MSL2: variants seen among roughly 807,000 people sequenced by gnomAD.
The protein encoded by MSL2 is E3 ubiquitin-protein ligase MSL2.
MSL2 carries 2 observed loss-of-function variants against 35.8 expected under a neutral mutation model. The ratio of observed to expected loss-of-function variants is 0.06; its 90% CI spans 0.02 to 0.18. The LOEUF is 0.18. Ranked by LOEUF, MSL2 falls within the 10% of genes least tolerant of loss-of-function variation. The probability of loss-of-function intolerance (pLI) is 1.00; values close to 1 mark genes in which losing one functional copy is unlikely to be tolerated. For missense variants in MSL2, 523 were observed against 706.7 expected (o/e 0.74, Z 2.95); for synonymous variants, 296 against 255.7 (o/e 1.16, Z -1.50).
intron 1 of MSL2, among the ~76,000 whole-genome samples, chr3:136,187,418 T>C (rs939249555): frequency 1.3e-5 from 2 of 152,040 alleles, no homozygotes; most frequent in Non-Finnish European, 2.9e-5. Flanking sequence ...ATCCTAGCAC[T>C]TTGGGAGGTC....
chr3:136,167,865 G>A (rs1483456598), intron 1 of MSL2, among the ~76,000 whole-genome samples: 1 of 152,060 alleles, frequency 6.6e-6, no homozygotes, highest in Non-Finnish European at 1.5e-5. Context: ...TAATGAAAGA[G>A]AAAAATAACA....
chr3:136,188,316 C>G (rs890774502), intron 1 of MSL2, among the ~76,000 whole-genome samples: 5 of 151,970 alleles, frequency 3.3e-5, no homozygotes, highest in African/African-American at 9.7e-5. Context: ...TGCCTATAGT[C>G]CCAGTTACTC....
At chr3:136,156,706 T>C (rs1939537078) in intron 1 of MSL2, among the ~76,000 whole-genome samples, 1 of 152,100 alleles carries the variant, frequency 6.6e-6, no homozygotes, top group South Asian at 2.1e-4. Flanking sequence ...ATACAAAAAA[T>C]TAGCCGGGCG....
chr3:136,178,981 T>C (rs1345800310), intron 1 of MSL2, among the ~76,000 whole-genome samples: 2 of 104,748 alleles, frequency 1.9e-5, no homozygotes, highest in Admixed American at 8.5e-5. Context: ...TTGGTTTTCT[T>C]TTTTTTTTTT....
intron 1 of MSL2, among the ~76,000 whole-genome samples, chr3:136,186,169 G>A (rs1167573536): frequency 6.6e-6 from 1 of 152,100 alleles, no homozygotes; most frequent in African/African-American, 2.4e-5. Flanking sequence ...TATGAACTAA[G>A]TGACCTTTTG....
intron 1 of MSL2, among the ~76,000 whole-genome samples, chr3:136,162,267 G>A (rs1939728279): frequency 6.8e-6 from 1 of 146,284 alleles, no homozygotes; most frequent in South Asian, 2.2e-4. Flanking sequence ...TAAACCATAA[G>A]GTTTTTAAAA....
intron 1 of MSL2, among the ~76,000 whole-genome samples, chr3:136,187,542 C>T (rs892428042): frequency 2.0e-5 from 3 of 151,856 alleles, no homozygotes; most frequent in African/African-American, 7.3e-5. Flanking sequence ...GTGGCGGATG[C>T]CTGTAGAGTC....
chr3:136,181,900 CAG>C (rs942150622), intron 1 of MSL2, among the ~76,000 whole-genome samples: 2 of 149,782 alleles, frequency 1.3e-5, no homozygotes, highest in African/African-American at 4.9e-5. Context: ...GCCTCGGCAA[CAG>C]AGTGAGACTC....
intron 1 of MSL2, among the ~76,000 whole-genome samples, chr3:136,171,058 G>A (rs1940012491): frequency 6.6e-6 from 1 of 152,120 alleles, no homozygotes; most frequent in South Asian, 2.1e-4. Flanking sequence ...CATTGTAAAA[G>A]TAATCATTTT....
At chr3:136,157,991 G>T (rs1333095151) in intron 1 of MSL2, among the ~76,000 whole-genome samples, 1 of 152,118 alleles carries the variant, frequency 6.6e-6, no homozygotes, top group African/African-American at 2.4e-5. Context: ...TAACTACTAT[G>T]AAAGAAAACA....
At position 136,195,821 on chromosome 3, in the gene MSL2, G is replaced by A. The variant is rs550398407; in HGVS notation, c.-708C>T. ...CGAGGCGGGCGGGAGTCCTCAACCC[G>A]GAGGGGAAGGCCGGGGAGGAAGTGC... On this transcript the variant is annotated 5_prime_UTR_variant, in exon 1 of 2. Transcript: ENST00000309993. The A allele has an allele frequency of 2.7e-4, 266 of 984,946 alleles. No individual in the cohort carries two copies. Among genetic ancestry groups the A allele is most frequent in the Non-Finnish European group, 2.5e-4 (211 of 829,788 alleles). The allele number at this position is 984,946 out of a possible 1,614,324, so 61.0% of individuals were successfully genotyped here. A position where few individuals can be genotyped will look rare whatever the true frequency, so the allele number is the denominator to read the frequency against.
At chr3:136,181,342 C>T (rs1046118889) in intron 1 of MSL2, among the ~76,000 whole-genome samples, 2 of 151,972 alleles carry the variant, frequency 1.3e-5, no homozygotes, top group African/African-American at 4.8e-5. Flanking sequence ...AAGATTAAAA[C>T]AATATGAAAC....
intron 1 of MSL2, among the ~76,000 whole-genome samples, chr3:136,184,361 G>A (rs576322214): frequency 2.5e-4 from 38 of 152,024 alleles, no homozygotes; most frequent in African/African-American, 8.4e-4. Context: ...AGCACTTTGG[G>A]AGGCCAAGGC....
chr3:136,160,454 G>A (rs1377815823), intron 1 of MSL2, among the ~76,000 whole-genome samples: 8 of 150,496 alleles, frequency 5.3e-5, no homozygotes, highest in African/African-American at 7.3e-5. Flanking sequence ...CAAGCCAGGC[G>A]TGGGGGCTCA....
At chr3:136,160,507 C>T (rs1012430843) in intron 1 of MSL2, among the ~76,000 whole-genome samples, 1 of 151,034 alleles carries the variant, frequency 6.6e-6, no homozygotes, top group Non-Finnish European at 1.5e-5. Flanking sequence ...TTCAGGAGTT[C>T]GAGACCAGCC....
Position 136,149,155 on chromosome 3 carries a change from G to A in MSL2, c.*1992C>T, listed in dbSNP as rs1459854233. On this transcript the variant is annotated 3_prime_UTR_variant, in exon 2 of 2. Transcript: ENST00000309993. ...AAAAACCCACAAGATTATCAAACTT[G>A]GGAAGCAATAAAGTACTCTATGAAT... The A allele has an allele frequency of 6.7e-6, 1 of 149,916 alleles. No homozygotes were observed. The highest frequency in any genetic ancestry group is 1.9e-4 in the East Asian group (1 of 5,144). The allele number at this position is 149,916 out of a possible 1,614,324, so 9.3% of individuals were successfully genotyped here. A position where few individuals can be genotyped will look rare whatever the true frequency, so the allele number is the denominator to read the frequency against.
rs1939303362 is a variant in MSL2, at chr3:136,149,988, AT to A, written c.*1158del. On this transcript the variant is annotated 3_prime_UTR_variant, in exon 2 of 2. Coordinates refer to ENST00000309993, the MANE Select transcript of MSL2 (RefSeq NM_018133.4). Reference sequence around the variant, plus strand: ...ACTGACTAGATTTCCCTTCAACAGAATGTTTGTGACTCACTTGTCTTCCCCA... The same window carrying A: ...ACTGACTAGATTTCCCTTCAACAGAAGTTTGTGACTCACTTGTCTTCCCCA... 6.6e-6 allele frequency: 1 copy of A among 152,606 alleles called. No individual in the cohort carries two copies. The highest frequency in any genetic ancestry group is 2.1e-4 in the South Asian group (1 of 4,836). The allele number at this position is 152,606 out of a possible 1,614,324, so 9.5% of individuals were successfully genotyped here.
chr3:136,178,988 T>TTTTC (rs1940263428), intron 1 of MSL2, among the ~76,000 whole-genome samples: 1 of 146,006 alleles, frequency 6.8e-6, no homozygotes, highest in African/African-American at 2.6e-5. Context: ...TCTTTTTTTT[T>TTTTC]TTTTTTTTTT....
Position 136,194,992 on chromosome 3 carries a change from G to A in MSL2, c.122C>T (p.Ser41Phe). ...CTCACCGCAAACACAGCACGAAAGG[G>A]ACTGTCGGAAGTAAGGCAAGAGCCT... ...INRLLPYFRQSLSCCVCGHLL... is the reference protein window; with the variant it reads ...INRLLPYFRQFLSCCVCGHLL... Residue 41 changes from serine to phenylalanine, a missense_variant, in exon 1 of 2, where the codon TCC becomes TTC. By Grantham distance (155) the Ser-to-Phe change is radical. Around this residue, in one of 5 missense-constraint regions of MSL2, gnomAD observed 41 missense variants for 83.3 expected, o/e 0.49. Coordinates refer to ENST00000309993, the MANE Select transcript of MSL2 (RefSeq NM_018133.4). The A allele has an allele frequency of 6.2e-7, 1 of 1,613,668 alleles. No individual in the cohort carries two copies. Among genetic ancestry groups the A allele is most frequent in the East Asian group, 2.2e-5 (1 of 44,888 alleles).
Sources: allele counts gnomAD v4.1 joint callset (sites outside exome capture counted in the v4.1 genomes callset), GRCh38; gene constraint gnomAD v4.1.1; regional missense constraint gnomAD v4.1.1; transcripts MANE v1.5; gene names NCBI Gene and HGNC (gene_info 2026-07-23, HGNC 2026-07-21).